Variants in KCNB2 observed in about 807,000 individuals in gnomAD.
The protein encoded by KCNB2 is delayed rectifier potassium channel protein.
In KCNB2, 15 loss-of-function variants were observed where a neutral mutation model predicts 61.5. That is an observed-to-expected ratio of 0.24 (90% CI 0.16 to 0.38). The LOEUF is 0.38. Among genes scored for constraint, KCNB2 ranks in the 10% least tolerant of loss-of-function variants. The pLI, the probability that KCNB2 is intolerant of heterozygous loss-of-function variation, is 1.00. For missense variants in KCNB2, 828 were observed against 1,125.2 expected (o/e 0.74, Z 3.78); for synonymous variants, 457 against 446.0 (o/e 1.02, Z -0.31).
chr8:72,863,644 A>T (rs546804215), intron 2 of KCNB2, among the ~76,000 whole-genome samples: 4 of 152,350 alleles, frequency 2.6e-5, no homozygotes, highest in African/African-American at 7.2e-5. Flanking sequence ...ACAGGCCTCC[A>T]GCCTCTGAGA....
chr8:72,935,313 T>C (rs1410333425), intron 2 of KCNB2, among the ~76,000 whole-genome samples: 1 of 152,196 alleles, frequency 6.6e-6, no homozygotes, highest in African/African-American at 2.4e-5. Context: ...TCCTGCACTC[T>C]TTGAAGTTAG....
chr8:72,614,329 G>C (rs1805585068), intron 2 of KCNB2, among the ~76,000 whole-genome samples: 1 of 152,156 alleles, frequency 6.6e-6, no homozygotes, highest in Admixed American at 6.5e-5. Context: ...TGAAGGATTT[G>C]TTGTCATCCT....
chr8:72,637,391 C>T (rs1299108724), intron 2 of KCNB2, among the ~76,000 whole-genome samples: 1 of 152,152 alleles, frequency 6.6e-6, no homozygotes, highest in African/African-American at 2.4e-5. Flanking sequence ...TGTTTTCCTT[C>T]CTGTCTCTGA....
chr8:72,669,399 A>G (rs577525382), intron 2 of KCNB2, among the ~76,000 whole-genome samples: 1 of 152,352 alleles, frequency 6.6e-6, no homozygotes, highest in East Asian at 1.9e-4. Flanking sequence ...TTAACTAATG[A>G]TGACTATAAA....
At chr8:72,810,765 A>G (rs1809293687) in intron 2 of KCNB2, among the ~76,000 whole-genome samples, 1 of 152,210 alleles carries the variant, frequency 6.6e-6, no homozygotes. Flanking sequence ...GGTATTTTTC[A>G]AAGTTTTAGT....
chr8:72,598,663 C>T (rs1255180560), intron 2 of KCNB2, among the ~76,000 whole-genome samples: 5 of 152,162 alleles, frequency 3.3e-5, no homozygotes, highest in Non-Finnish European at 7.3e-5. Context: ...GTCAAATTGT[C>T]CCTGTTTGCA....
chr8:72,822,859 C>T (rs1809533455), intron 2 of KCNB2, among the ~76,000 whole-genome samples: 1 of 152,228 alleles, frequency 6.6e-6, no homozygotes, highest in South Asian at 2.1e-4. Flanking sequence ...AGCTTAGGTA[C>T]ACCACCTCAT....
rs148792956 is a variant in KCNB2, at chr8:72,666,715, C to A, written c.579+98402C>A. 8.1e-3 allele frequency among the ~76,000 whole-genome samples: 1,220 copies of A among 149,726 alleles called. 14 individuals are homozygous for A. The highest frequency in any genetic ancestry group is 0.029 in the African/African-American group (1,167 of 40,526). ...TCGCCCAGGCTGGAGTGCAGTGGCGCAATCTCGGGTCACTGCAACCTCTGC... is the reference window on the plus strand; with the variant it reads ...TCGCCCAGGCTGGAGTGCAGTGGCGAAATCTCGGGTCACTGCAACCTCTGC... On this transcript the variant is annotated intron_variant, in intron 2 of 2. Coordinates refer to ENST00000523207, the MANE Select transcript of KCNB2 (RefSeq NM_004770.3).
intron 1 of KCNB2, among the ~76,000 whole-genome samples, chr8:72,557,341 A>G (rs1198452489): frequency 6.6e-6 from 1 of 152,180 alleles, no homozygotes; most frequent in Non-Finnish European, 1.5e-5. Context: ...AATTGTTAAC[A>G]GGTATAAGCT....
intron 1 of KCNB2, among the ~76,000 whole-genome samples, chr8:72,561,710 T>TAC (rs1806518849): frequency 1.4e-4 from 3 of 21,786 alleles, no homozygotes; most frequent in African/African-American, 5.4e-4. Flanking sequence ...TATATATATA[T>TAC]ATATATATAT....
intron 2 of KCNB2, among the ~76,000 whole-genome samples, chr8:72,693,786 G>A (rs930899068): frequency 6.6e-6 from 1 of 152,184 alleles, no homozygotes; most frequent in Non-Finnish European, 1.5e-5. Context: ...ATGGGAGAGA[G>A]TACCAATATT....
chr8:72,834,759 G>T (rs1164367179), intron 2 of KCNB2, among the ~76,000 whole-genome samples: 1 of 152,110 alleles, frequency 6.6e-6, no homozygotes, highest in African/African-American at 2.4e-5. Context: ...GTGATATTCT[G>T]CTTGTCCCAG....
intron 2 of KCNB2, among the ~76,000 whole-genome samples, chr8:72,673,805 G>A (rs1444861578): frequency 6.6e-6 from 1 of 152,144 alleles, no homozygotes; most frequent in Non-Finnish European, 1.5e-5. Flanking sequence ...TGGAAATGGG[G>A]AGTTATTTTA....
intron 1 of KCNB2, among the ~76,000 whole-genome samples, chr8:72,546,374 C>T (rs935436411): frequency 6.6e-6 from 1 of 151,984 alleles, no homozygotes; most frequent in Non-Finnish European, 1.5e-5. Flanking sequence ...AAAAATTAGC[C>T]AGGCATGGTG....
chr8:72,801,642 C>G (rs1400916673), intron 2 of KCNB2, among the ~76,000 whole-genome samples: 2 of 152,062 alleles, frequency 1.3e-5, no homozygotes, highest in Non-Finnish European at 2.9e-5. Flanking sequence ...ATTGAGTAAA[C>G]TCTTCGCTAT....
intron 1 of KCNB2, among the ~76,000 whole-genome samples, chr8:72,543,022 C>G (rs930149497): frequency 2.7e-4 from 41 of 151,980 alleles, no homozygotes; most frequent in Non-Finnish European, 1.5e-4. Context: ...CAGAAGCATC[C>G]CAACAGTAAG....
chr8:72,759,495 C>T (rs1474556844), intron 2 of KCNB2, among the ~76,000 whole-genome samples: 2 of 152,160 alleles, frequency 1.3e-5, no homozygotes, highest in South Asian at 2.1e-4. Context: ...CCTTCTTTCT[C>T]CTACCACTGT....
At chr8:72,840,258 G>A (rs941278833) in intron 2 of KCNB2, among the ~76,000 whole-genome samples, 4 of 152,144 alleles carry the variant, frequency 2.6e-5, no homozygotes, top group Admixed American at 2.0e-4. Flanking sequence ...TTTTGTGGTT[G>A]CATAGTATTC....
intron 2 of KCNB2, among the ~76,000 whole-genome samples, chr8:72,790,625 G>A (rs1057150716): frequency 2.0e-5 from 3 of 152,134 alleles, no homozygotes; most frequent in Non-Finnish European, 4.4e-5. Flanking sequence ...GCAGCCAGCA[G>A]GGAAGCAGGA....
Sources: allele counts gnomAD v4.1 joint callset (sites outside exome capture counted in the v4.1 genomes callset), GRCh38; gene constraint gnomAD v4.1.1; transcripts MANE v1.5; gene names NCBI Gene and HGNC (gene_info 2026-07-23, HGNC 2026-07-21).